The following LAMA2 variants were observed in gnomAD, a reference collection of about 807,000 sequenced individuals.
LAMA2 encodes the protein laminin subunit alpha 2, also known as laminin subunit alpha-2.
LAMA2 carries 269 observed loss-of-function variants against 364.8 expected under a neutral mutation model. That is an observed-to-expected ratio of 0.74 (90% CI 0.67 to 0.82). The LOEUF (loss-of-function observed/expected upper bound fraction) is 0.82, where lower values mean the gene tolerates loss of function less well. Ranked by LOEUF, LAMA2 falls within the 40% of genes least tolerant of loss-of-function variation. The probability of loss-of-function intolerance (pLI) is 0.00; values close to 1 mark genes in which losing one functional copy is unlikely to be tolerated. For synonymous variants in LAMA2, 1,379 were observed against 1,370.6 expected, an observed-to-expected ratio of 1.01 and a Z score of -0.14; for missense variants, 3,807 against 3,873.2, an observed-to-expected ratio of 0.98 and a Z score of 0.45.
intron 7 of LAMA2, among the ~76,000 whole-genome samples, chr6:129,151,381 C>T (rs191213370): frequency 1.3e-5 from 2 of 152,166 alleles, no homozygotes; most frequent in East Asian, 1.9e-4. Context: ...TACACTATTA[C>T]AACAAAGCTT....
At chr6:129,270,511 A>C in intron 16 of LAMA2, 113 bp from the exon 17 acceptor site, 1 of 1,067,468 alleles carries the variant, frequency 9.4e-7, no homozygotes, top group Admixed American at 1.8e-5. Context: ...TTTAACATGG[A>C]AAAATTATTC....
At chr6:129,486,100 G>A (rs1435096562) in intron 55 of LAMA2, among the ~76,000 whole-genome samples, 1 of 152,192 alleles carries the variant, frequency 6.6e-6, no homozygotes, top group Non-Finnish European at 1.5e-5. Context: ...TGGGAGTCAG[G>A]CCTGATTCTC....
chr6:128,946,529 A>C (rs2114556377), intron 1 of LAMA2, among the ~76,000 whole-genome samples: 1 of 152,338 alleles, frequency 6.6e-6, no homozygotes, highest in Non-Finnish European at 1.5e-5. Context: ...TATATTGACT[A>C]TGTATTGCTT....
intron 61 of LAMA2, 114 bp downstream of exon 61, chr6:129,505,469 C>T: frequency 1.3e-6 from 1 of 795,514 alleles, no homozygotes. Context: ...AATAGGAAGT[C>T]ATCTTTTCTG....
At chr6:129,432,125 T>C (rs1337635455) in intron 41 of LAMA2, among the ~76,000 whole-genome samples, 1 of 152,140 alleles carries the variant, frequency 6.6e-6, no homozygotes, top group African/African-American at 2.4e-5. Flanking sequence ...TTGACCACAA[T>C]TTTAGACTAA....
At position 129,465,153 on chromosome 6, in the gene LAMA2, C is replaced by T. The variant is rs1186675327; in HGVS notation, c.7164C>T (p.Phe2388=). 1 of 1,609,976 alleles carries T rather than the reference C, an allele frequency of 6.2e-7. No homozygotes were observed. The highest frequency in any genetic ancestry group is 8.5e-7 in the Non-Finnish European group (1 of 1,176,846). ...MYLATRDLRD[F]MSVELTDGHI... ...GTTTACTCTATTAATAGAGAGATTT[C>T]ATGAGTGTGGAGCTCACTGATGGGC... Residue 2388 remains phenylalanine (F), a synonymous_variant, in exon 51 of 65, where the codon TTC becomes TTT. Transcript: ENST00000421865.
intron 12 of LAMA2, among the ~76,000 whole-genome samples, chr6:129,223,649 T>C (rs1316233119): frequency 6.6e-6 from 1 of 152,192 alleles, no homozygotes; most frequent in Admixed American, 6.5e-5. Context: ...GATCAGATGG[T>C]TGTAGATGTG....
intron 51 of LAMA2, among the ~76,000 whole-genome samples, chr6:129,469,260 A>G (rs911526697): frequency 6.6e-6 from 1 of 151,932 alleles, no homozygotes; most frequent in Non-Finnish European, 1.5e-5. Context: ...TGTGGAAGAC[A>G]TATTGTCAGA....
intron 28 of LAMA2, among the ~76,000 whole-genome samples, chr6:129,327,901 T>C (rs1051388853): frequency 6.6e-6 from 1 of 152,220 alleles, no homozygotes; most frequent in African/African-American, 2.4e-5. Flanking sequence ...TTGCTAGTTA[T>C]CCATCAAGCA....
chr6:129,060,474 C>A (rs1788821170), intron 3 of LAMA2, among the ~76,000 whole-genome samples: 1 of 152,224 alleles, frequency 6.6e-6, no homozygotes, highest in Admixed American at 6.5e-5. Flanking sequence ...TCTCTTTCTT[C>A]CTTCTCTTCA....
chr6:129,309,033 A>T (rs1774051815), intron 22 of LAMA2, among the ~76,000 whole-genome samples: 1 of 152,220 alleles, frequency 6.6e-6, no homozygotes, highest in Non-Finnish European at 1.5e-5. Flanking sequence ...GACATATCCA[A>T]CTGTATCAGA....
At chr6:129,047,200 A>T (rs1043512004) in intron 1 of LAMA2, among the ~76,000 whole-genome samples, 2 of 152,168 alleles carry the variant, frequency 1.3e-5, no homozygotes, top group East Asian at 1.9e-4. Context: ...ATAAAAAAAA[A>T]TAAGGTAAAA....
At chr6:129,424,240 C>A (rs967080468) in intron 40 of LAMA2, among the ~76,000 whole-genome samples, 2 of 151,810 alleles carry the variant, frequency 1.3e-5, no homozygotes, top group Admixed American at 1.3e-4. Context: ...AGATGCTAGA[C>A]CTAACTGTAA....
chr6:129,055,844 A>G (rs996173856), intron 2 of LAMA2, among the ~76,000 whole-genome samples: 4 of 152,236 alleles, frequency 2.6e-5, no homozygotes, highest in African/African-American at 2.4e-5. Context: ...TGACTTGCAT[A>G]TTTATCCCTG....
At chr6:129,121,143 G>A (rs900271504) in intron 4 of LAMA2, among the ~76,000 whole-genome samples, 1 of 152,138 alleles carries the variant, frequency 6.6e-6, no homozygotes, top group African/African-American at 2.4e-5. Context: ...CCATTGTCCC[G>A]CACTGATGGT....
At chr6:129,210,307 G>A (rs1373307363) in intron 12 of LAMA2, among the ~76,000 whole-genome samples, 1 of 151,756 alleles carries the variant, frequency 6.6e-6, no homozygotes, top group Non-Finnish European at 1.5e-5. Context: ...CCTGTACAAG[G>A]GAACCCTAAA....
At chr6:129,065,785 C>T (rs1789256620) in intron 3 of LAMA2, among the ~76,000 whole-genome samples, 1 of 152,084 alleles carries the variant, frequency 6.6e-6, no homozygotes, top group African/African-American at 2.4e-5. Flanking sequence ...GTGGGAGGGA[C>T]CTGGTGGGAG....
chr6:129,088,304 G>C (rs1192735268), intron 3 of LAMA2, among the ~76,000 whole-genome samples: 1 of 151,848 alleles, frequency 6.6e-6, no homozygotes, highest in African/African-American at 2.4e-5. Context: ...TTTCTACACA[G>C]ACACAGCAAC....
rs1324019078 is a variant in LAMA2, at chr6:129,192,670, T to C, written c.1609-10T>C. On this transcript the variant is annotated splice_polypyrimidine_tract_variant and intron_variant, in intron 11 of 64. Coordinates refer to ENST00000421865, the MANE Select transcript of LAMA2 (RefSeq NM_000426.4). ...TTAAAAATTAATGATGACTGTGTGTTTTCTCTAAGATACAAGATATGAGTG... is the reference window on the plus strand; with the variant it reads ...TTAAAAATTAATGATGACTGTGTGTCTTCTCTAAGATACAAGATATGAGTG... 4 of 1,613,152 alleles carry C rather than the reference T, an allele frequency of 2.5e-6. No homozygotes were observed. Among genetic ancestry groups the C allele is most frequent in the Non-Finnish European group, 3.4e-6 (4 of 1,179,234 alleles).
Sources: gnomAD v4.1 joint callset for allele counts (sites outside exome capture counted in the v4.1 genomes callset) on GRCh38, gnomAD v4.1.1 for gene constraint, MANE v1.5 for transcripts, NCBI Gene and HGNC (gene_info 2026-07-23, HGNC 2026-07-21) for gene names.